OTC: variants seen among roughly 807,000 people sequenced by gnomAD.
OTC encodes ornithine transcarbamylase, mitochondrial.
Under a neutral mutation model 30.3 loss-of-function variants are expected in OTC, and 3 were observed. The ratio of observed to expected loss-of-function variants is 0.10; its 90% CI spans 0.05 to 0.26. The LOEUF is 0.26. Among genes scored for constraint, OTC ranks in the 10% least tolerant of loss-of-function variants. The pLI is 1.00. For synonymous variants in OTC, 111 were observed against 99.7 expected, an observed-to-expected ratio of 1.11 and a Z score of -0.67; for missense variants, 194 against 260.3, an observed-to-expected ratio of 0.75 and a Z score of 1.75.
chrX:38,331,146 AAAT>A, the OTC span, among the ~76,000 whole-genome samples: 1 of 112,261 alleles, frequency 8.9e-6, no homozygotes. Flanking sequence ...AAACCTATAA[AAAT>A]AATAATTTAA....
intron 1 of OTC, among the ~76,000 whole-genome samples, chrX:38,353,023 T>G (rs1272128958): frequency 8.9e-6 from 1 of 112,073 alleles, no homozygotes; most frequent in Non-Finnish European, 1.9e-5. Context: ...ATCTTTCGTT[T>G]GTGTACATTC....
intron 4 of OTC, 129 bp from the exon 5 acceptor site, chrX:38,401,146 T>C: frequency 1.8e-6 from 1 of 542,865 alleles, no homozygotes; most frequent in Admixed American, 2.7e-5. Flanking sequence ...AAACCTGTAA[T>C]GTTGGTAGGT....
At chrX:38,351,715 C>G (rs961582610), upstream of OTC, among the ~76,000 whole-genome samples, 1 of 111,718 alleles carries the variant, frequency 9.0e-6, no homozygotes, top group Non-Finnish European at 1.9e-5. Flanking sequence ...TACTGACTGT[C>G]AGGTGCTGTT....
At chrX:38,375,087 G>C (rs2068339860) in intron 3 of OTC, among the ~76,000 whole-genome samples, 1 of 111,819 alleles carries the variant, frequency 8.9e-6, no homozygotes, top group African/African-American at 3.3e-5. Context: ...TATTTGCCAG[G>C]TTTTATTCTA....
At chrX:38,397,648 T>A (rs1176705501) in intron 4 of OTC, among the ~76,000 whole-genome samples, 1 of 111,730 alleles carries the variant, frequency 9.0e-6, no homozygotes, top group Non-Finnish European at 1.9e-5. Flanking sequence ...GCTTATCATA[T>A]CGTTATCCCT....
chrX:38,394,820 T>C lies in OTC; in HGVS notation c.387-6455T>C, dbSNP rs746838629. The stretch of plus-strand genomic sequence containing the variant: ...TTAATAAGACCTTGGTAGAGTTACA[T>C]GTATCAAGAAACATAGGACTTGGGC... On this transcript the variant is annotated intron_variant, in intron 4 of 9. Coordinates refer to ENST00000039007, the MANE Select transcript of OTC (RefSeq NM_000531.6). 8.1e-5 allele frequency among the ~76,000 whole-genome samples: 9 copies of C among 111,176 alleles called. No homozygotes were observed. In the South Asian group the frequency reaches 3.5e-3, roughly 44 times the overall value.
At chrX:38,420,350 A>G (rs752833742) in intron 9 of OTC, among the ~76,000 whole-genome samples, 35 of 111,271 alleles carry the variant, frequency 3.1e-4, no homozygotes, top group African/African-American at 1.0e-3. Context: ...TGCTTGAAAA[A>G]TATTTCTTGA....
intron 3 of OTC, among the ~76,000 whole-genome samples, chrX:38,374,819 A>G (rs769161019): frequency 2.7e-5 from 3 of 112,230 alleles, no homozygotes; most frequent in African/African-American, 9.7e-5. Flanking sequence ...TAGGTGCACA[A>G]TAAATAATTT....
chrX:38,340,144 T>C, the OTC span, among the ~76,000 whole-genome samples: 3 of 111,781 alleles, frequency 2.7e-5, no homozygotes, highest in South Asian at 1.1e-3. Context: ...GAAACACTAT[T>C]GTATGAATTT....
At chrX:38,346,488 A>G in the OTC span, among the ~76,000 whole-genome samples, 1 of 112,696 alleles carries the variant, frequency 8.9e-6, no homozygotes, top group Non-Finnish European at 1.9e-5. Flanking sequence ...ATGTTGACAC[A>G]AAAACCTATA....
chrX:38,404,494 C>A (rs2068506346), intron 6 of OTC, among the ~76,000 whole-genome samples: 2 of 111,847 alleles, frequency 1.8e-5, no homozygotes, highest in Admixed American at 1.9e-4. Flanking sequence ...GAAATGGGTC[C>A]TTCGATGACT....
intron 8 of OTC, among the ~76,000 whole-genome samples, chrX:38,410,599 A>AT (rs1486605607): frequency 4.5e-5 from 5 of 110,775 alleles, no homozygotes; most frequent in Admixed American, 1.9e-4. Context: ...CCCATTTTCT[A>AT]TTTTTTTGCC....
the OTC span, among the ~76,000 whole-genome samples, chrX:38,338,148 C>G: frequency 8.9e-6 from 1 of 112,250 alleles, no homozygotes; most frequent in Non-Finnish European, 1.9e-5. Flanking sequence ...GTGAGTACTA[C>G]TGACATTGTA....
At chrX:38,403,063 T>C (rs1162304024) in intron 5 of OTC, among the ~76,000 whole-genome samples, 1 of 111,494 alleles carries the variant, frequency 9.0e-6, no homozygotes, top group Non-Finnish European at 1.9e-5. Flanking sequence ...CCGCCCACCT[T>C]GGTCTCCCAA....
chrX:38,412,060 T>C, intron 9 of OTC, 61 bp downstream of exon 9: 7 of 1,088,297 alleles, frequency 6.4e-6, no homozygotes, highest in Non-Finnish European at 6.4e-6. Flanking sequence ...TGGTCATTCA[T>C]GCCTTTGGGG....
chrX:38,370,835 TACA>T (rs753253284), intron 3 of OTC, among the ~76,000 whole-genome samples: 69 of 111,370 alleles, frequency 6.2e-4, no homozygotes, highest in Non-Finnish European at 1.1e-3. Flanking sequence ...AGGACCCCAT[TACA>T]ACAATATATC....
At chrX:38,387,129 T>C (rs781060017) in intron 4 of OTC, among the ~76,000 whole-genome samples, 1 of 112,347 alleles carries the variant, frequency 8.9e-6, no homozygotes, top group East Asian at 2.8e-4. Flanking sequence ...ATCTTTTGCC[T>C]ATTTTTTTAA....
At position 38,408,735 on chromosome X, in the gene OTC, C is replaced by T. The variant is rs753921618; in HGVS notation, c.664-7C>T. ...CCTAAATAAGATTTAAATTCTTCCT[C>T]CTTTAGGGTTATGAGCCGGATGCTA... is the stretch of plus-strand genomic sequence containing the variant. On this transcript the variant is annotated splice_polypyrimidine_tract_variant and splice_region_variant and intron_variant, in intron 6 of 9. Coordinates refer to ENST00000039007, the MANE Select transcript of OTC (RefSeq NM_000531.6). 7.7e-6 allele frequency: 9 copies of T among 1,172,811 alleles called. No individual in the cohort carries two copies. The South Asian group carries it at 1.6e-4, about 21-fold the overall frequency.
chrX:38,354,464 C>T (rs2068230969), intron 1 of OTC, among the ~76,000 whole-genome samples: 1 of 111,741 alleles, frequency 8.9e-6, no homozygotes. Flanking sequence ...TTGAAAACTA[C>T]AATGATAATT....
Sources: gnomAD v4.1 joint callset for allele counts (sites outside exome capture counted in the v4.1 genomes callset) on GRCh38, gnomAD v4.1.1 for gene constraint, MANE v1.5 for transcripts, NCBI Gene and HGNC (gene_info 2026-07-23, HGNC 2026-07-21) for gene names.